Variants in STT3B observed in about 807,000 individuals in gnomAD.
The protein encoded by STT3B is dolichyl-diphosphooligosaccharide--protein glycosyltransferase subunit STT3B.
Under a neutral mutation model 96.8 loss-of-function variants are expected in STT3B, and 29 were observed. That is an observed-to-expected ratio of 0.30 (90% CI 0.22 to 0.41). The LOEUF (loss-of-function observed/expected upper bound fraction) is 0.41, where lower values mean the gene tolerates loss of function less well. STT3B is among the 10% of genes least tolerant of loss of function. STT3B has a pLI of 1.00. For missense variants in STT3B, 640 were observed against 1,022.3 expected, an observed-to-expected ratio of 0.63 and a Z score of 5.10; for synonymous variants, 367 against 360.0, an observed-to-expected ratio of 1.02 and a Z score of -0.22.
At chr3:31,564,697 A>G (rs1575416409) in intron 1 of STT3B, among the ~76,000 whole-genome samples, 1 of 152,184 alleles carries the variant, frequency 6.6e-6, no homozygotes, top group Admixed American at 6.5e-5. Flanking sequence ...AATCAATGCT[A>G]TTTCGTATAT....
In STT3B at chr3:31,556,797, T is replaced by C. The variant is rs72853778; in HGVS notation, c.315-19599T>C. ...CTAGGTTCTGCATATTAGTCCCTTG[T>C]TGAATGAATAGTTTACAGTATATTC... On this transcript the variant is annotated intron_variant, in intron 1 of 15. Transcript: ENST00000295770. Among the ~76,000 whole-genome samples, 402 of 152,378 alleles carry C rather than the reference T, an allele frequency of 2.6e-3. 2 individuals carry two copies. The highest frequency in any genetic ancestry group is 9.5e-3 in the African/African-American group (394 of 41,596).
At chr3:31,605,082 T>A (rs1699018332) in intron 5 of STT3B, among the ~76,000 whole-genome samples, 1 of 152,166 alleles carries the variant, frequency 6.6e-6, no homozygotes, top group African/African-American at 2.4e-5. Flanking sequence ...GCTTTTGTTG[T>A]TGATGTTAAA....
At chr3:31,622,433 A>G in intron 10 of STT3B, 125 bp downstream of exon 10, 1 of 827,172 alleles carries the variant, frequency 1.2e-6, no homozygotes, top group Non-Finnish European at 1.9e-6. Flanking sequence ...TGACTTTTCT[A>G]GTTGGTCTCC....
chr3:31,561,166 T>C (rs1467759456), intron 1 of STT3B, among the ~76,000 whole-genome samples: 1 of 152,058 alleles, frequency 6.6e-6, no homozygotes, highest in Non-Finnish European at 1.5e-5. Flanking sequence ...TTCTGATTTC[T>C]TTATATTGTT....
chr3:31,537,556 A>G (rs763098448), intron 1 of STT3B, among the ~76,000 whole-genome samples: 6 of 152,162 alleles, frequency 3.9e-5, no homozygotes, highest in Non-Finnish European at 8.8e-5. Context: ...CATAGATTTC[A>G]TGATGTATAG....
intron 1 of STT3B, among the ~76,000 whole-genome samples, chr3:31,537,016 C>T (rs1420940363): frequency 1.3e-5 from 2 of 152,148 alleles, no homozygotes; most frequent in African/African-American, 4.8e-5. Context: ...TTTTCCCTGC[C>T]TTAGCAGGTT....
intron 1 of STT3B, among the ~76,000 whole-genome samples, chr3:31,547,247 G>C (rs1178478881): frequency 6.6e-6 from 1 of 152,008 alleles, no homozygotes; most frequent in Non-Finnish European, 1.5e-5. Flanking sequence ...GATCAACCAG[G>C]TTCTGCCAGC....
rs764589253 is a variant in STT3B at position 31,619,700 on chromosome 3, T to C, written c.1197T>C (p.Ile399=). 1.2e-6 allele frequency: 2 copies of C among 1,612,482 alleles called. No homozygotes were observed. The highest frequency in any genetic ancestry group is 1.7e-6 in the Non-Finnish European group (2 of 1,179,544). The change falls in exon 9 of 16, where the codon ATT becomes ATC. Residue 399 remains isoleucine, a synonymous_variant. Coordinates refer to ENST00000295770, the MANE Select transcript of STT3B (RefSeq NM_178862.3). The part of the protein sequence containing the change: ...DTGYAKIHIP[I]IASVSEHQPT... ...GGTATGCAAAAATACACATTCCAATTATTGCATCAGTGTCTGAGCATCAAC... is the reference window on the plus strand; with the variant it reads ...GGTATGCAAAAATACACATTCCAATCATTGCATCAGTGTCTGAGCATCAAC...
chr3:31,626,200 T>C (rs1699533753), intron 13 of STT3B, 73 bp downstream of exon 13: 2 of 1,335,612 alleles, frequency 1.5e-6, no homozygotes, highest in East Asian at 4.7e-5. Context: ...ATCTTGCTAA[T>C]TGCATTGTAT....
intron 6 of STT3B, among the ~76,000 whole-genome samples, chr3:31,616,054 T>C (rs1010482703): frequency 2.0e-5 from 3 of 151,906 alleles, no homozygotes; most frequent in Non-Finnish European, 4.4e-5. Context: ...AAGCATAAAT[T>C]TTACATGACA....
chr3:31,536,067 T>C (rs1362287929), intron 1 of STT3B, among the ~76,000 whole-genome samples: 1 of 152,140 alleles, frequency 6.6e-6, no homozygotes, highest in East Asian at 1.9e-4. Flanking sequence ...AAATACCTTG[T>C]TCTTGTTTTT....
In STT3B at chr3:31,594,436, G is replaced by GT. The variant is rs36046046; in HGVS notation, c.712-2349dup. Reference sequence around the variant, plus strand: ...TAGGGATTCCCATCACCCCCTCAAGGTTTTTTTTTTTTTGGATGGAGTCTC... The same window carrying GT: ...TAGGGATTCCCATCACCCCCTCAAGGTTTTTTTTTTTTTTGGATGGAGTCTC... On this transcript the variant is annotated intron_variant, in intron 3 of 15. Coordinates refer to ENST00000295770, the MANE Select transcript of STT3B (RefSeq NM_178862.3). Among the ~76,000 whole-genome samples the GT allele has an allele frequency of 5.2e-3, 741 of 143,250 alleles. 5 individuals carry two copies. Among genetic ancestry groups the GT allele is most frequent in the African/African-American group, 0.014 (557 of 39,302 alleles). 94.0% of individuals were successfully genotyped at this position (143,250 alleles called of 152,430 possible).
intron 15 of STT3B, among the ~76,000 whole-genome samples, chr3:31,635,590 T>C (rs191884013): frequency 9.9e-5 from 15 of 152,258 alleles, no homozygotes; most frequent in Admixed American, 9.8e-4. Flanking sequence ...AGTTAACGTG[T>C]TTTTCTGGCA....
In STT3B at chr3:31,619,841, T is replaced by TTC. The variant is rs778335790; in HGVS notation, c.1327+12_1327+13insCT. 1.1e-5 allele frequency: 17 copies of TTC among 1,599,030 alleles called. No individual in the cohort carries two copies. The highest frequency in any genetic ancestry group is 1.4e-5 in the Non-Finnish European group (17 of 1,175,768). On this transcript the variant is annotated intron_variant, in intron 9 of 15. Transcript: ENST00000295770. Reference sequence around the variant, plus strand: ...ATGAAAGAGTATTTGGTAAGAGAGGTTTTTAATGAATACTTTGATATGGAA... The same window carrying TTC: ...ATGAAAGAGTATTTGGTAAGAGAGGTTCTTTTAATGAATACTTTGATATGGAA...
chr3:31,632,182 T>C (rs571842116), intron 14 of STT3B, among the ~76,000 whole-genome samples: 13 of 152,334 alleles, frequency 8.5e-5, no homozygotes, highest in African/African-American at 2.9e-4. Context: ...AAAGTCTCCT[T>C]CTCTCCCTAT....
At chr3:31,630,885 C>T (rs1196625252) in intron 14 of STT3B, among the ~76,000 whole-genome samples, 1 of 150,756 alleles carries the variant, frequency 6.6e-6, no homozygotes, top group Non-Finnish European at 1.5e-5. Flanking sequence ...CAAGCTTCGC[C>T]TCCCAGGTTC....
intron 3 of STT3B, among the ~76,000 whole-genome samples, chr3:31,582,394 C>G (rs7617009): frequency 0.051 from 7,728 of 150,450 alleles, 678 homozygotes; most frequent in African/African-American, 0.18. Context: ...CTCCCAGGTT[C>G]AAGCGATTCT....
chr3:31,614,854 A>G (rs765789500), intron 5 of STT3B, among the ~76,000 whole-genome samples: 1 of 151,938 alleles, frequency 6.6e-6, no homozygotes, highest in Admixed American at 6.6e-5. Flanking sequence ...TGGGAAAGGA[A>G]TGCAACACAA....
At chr3:31,618,319 T>G (rs1167826446) in intron 8 of STT3B, among the ~76,000 whole-genome samples, 1 of 152,010 alleles carries the variant, frequency 6.6e-6, no homozygotes, top group Non-Finnish European at 1.5e-5. Flanking sequence ...AATAATTTTT[T>G]ATTCTTAAGA....
Sources: allele counts gnomAD v4.1 joint callset (sites outside exome capture counted in the v4.1 genomes callset), GRCh38; gene constraint gnomAD v4.1.1; transcripts MANE v1.5; gene names NCBI Gene and HGNC (gene_info 2026-07-23, HGNC 2026-07-21).